The following GALE variants were observed in gnomAD, a reference collection of about 807,000 sequenced individuals.
The protein encoded by GALE is UDP-glucose 4-epimerase.
A neutral mutation model predicts 44.1 loss-of-function variants in GALE; 32 were observed. The ratio of observed to expected loss-of-function variants is 0.73; its 90% confidence interval spans 0.55 to 0.97. The LOEUF (loss-of-function observed/expected upper bound fraction) is 0.97. Among genes scored for constraint, GALE ranks in the 50% least tolerant of loss-of-function variants. GALE has a pLI of 0.00. For missense variants in GALE, 423 were observed against 455.6 expected (o/e 0.93, Z 0.65); for synonymous variants, 182 against 183.5 (o/e 0.99, Z 0.06).
chr1:23,798,688 A>T lies in GALE; in HGVS notation c.164T>A (p.Leu55Gln). The T allele has an allele frequency of 1.2e-6, 2 of 1,613,294 alleles. No homozygotes were observed. The highest frequency in any genetic ancestry group is 1.7e-6 in the Non-Finnish European group (2 of 1,179,576). The stretch of plus-strand genomic sequence containing the variant: ...CTCAAACTCCACAGAGCGGCCTGTC[A>T]GCTCCTGGACCCGCCGCAGGCTCTC... ...LPESLRRVQE[L>Q]TGRSVEFEEM... The change falls in exon 4 of 12, where the codon CTG becomes CAG. Residue 55 changes from leucine (L) to glutamine (Q), a missense_variant. By Grantham distance (113) the Leu-to-Gln change is moderately radical. Transcript: ENST00000617979. The surrounding 1 kb of genome is among the most constrained non-coding windows in gnomAD (Gnocchi z 4.5).
intron 6 of GALE, 80 bp from the exon 7 acceptor site, chr1:23,797,227 A>G: frequency 9.9e-7 from 1 of 1,013,190 alleles, no homozygotes. Flanking sequence ...CCTCATGCCT[A>G]TTCTGTTTTT....
Position 23,795,681 on chromosome 1 carries a change from G to A in GALE, c.*268C>T, listed in dbSNP as rs1181974041. On this transcript the variant is annotated 3_prime_UTR_variant, in exon 12 of 12. Coordinates refer to ENST00000617979, the MANE Select transcript of GALE (RefSeq NM_001008216.2). ...AATATAAATGAGTGCCTGGGAGGAG[G>A]AGGTTTTGTGCCAGAGCCTTGCCCC... 3.2e-5 allele frequency: 19 copies of A among 586,076 alleles called. No homozygotes were observed. Among genetic ancestry groups the A allele is most frequent in the Admixed American group, 6.0e-5 (2 of 33,448 alleles). 36.3% of individuals were successfully genotyped at this position (586,076 alleles called of 1,614,324 possible).
At position 23,796,119 on chromosome 1, in the gene GALE, C is replaced by T. The variant is rs1325362030; in HGVS notation, c.988+32G>A. 5 of 1,605,088 alleles carry T rather than the reference C, an allele frequency of 3.1e-6. No individual in the cohort carries two copies. Among genetic ancestry groups the T allele is most frequent in the Non-Finnish European group, 4.3e-6 (5 of 1,171,794 alleles). On this transcript the variant is annotated intron_variant, in intron 11 of 11. Transcript: ENST00000617979. The surrounding 1 kb of genome is among the most constrained non-coding windows in gnomAD (Gnocchi z 5.2). ...CAGATCTGATTTAGCCCCTCCCTGG[C>T]CCCTAACTGCAGGGGTCAGGCCAGC...
In GALE at chr1:23,798,907, T is replaced by C. The variant is rs121908046; in HGVS notation, c.101A>G (p.Asn34Ser). 34 of 1,614,050 alleles carry C rather than the reference T, an allele frequency of 2.1e-5. No individual in the cohort carries two copies. The highest frequency in any genetic ancestry group is 2.7e-5 in the Non-Finnish European group (32 of 1,180,044). Reference sequence around the variant, plus strand: ...CTCACCACGGAAGGCATTATGGAAGTTATCGATGACCACAGGCAAGTAGCC... The same window carrying C: ...CTCACCACGGAAGGCATTATGGAAGCTATCGATGACCACAGGCAAGTAGCC... ...EAGYLPVVID[N>S]FHNAFRGGGS... Residue 34 changes from asparagine to serine, a missense_variant, in exon 3 of 12, where the codon AAC becomes AGC. Physicochemically the swap from Asn to Ser is conservative, Grantham distance 46 (BLOSUM62 1). Coordinates refer to ENST00000617979, the MANE Select transcript of GALE (RefSeq NM_001008216.2). The surrounding 1 kb of genome is among the most constrained non-coding windows in gnomAD (Gnocchi z 4.5).
In GALE at chr1:23,798,038, CTG is replaced by C. The variant is rs1570633432; in HGVS notation, c.351+77_351+78del. On this transcript the variant is annotated intron_variant, in intron 5 of 11. Coordinates refer to ENST00000617979, the MANE Select transcript of GALE (RefSeq NM_001008216.2). This position sits in a 1 kb window ranked among gnomAD's most constrained non-coding sequence, Gnocchi z 4.5. ...AGTCCAGGATGATACAGCTTGGGCTCTGTGTTTGGCACTGCCTGCCAGGCTGG... is the reference window on the plus strand; with the variant it reads ...AGTCCAGGATGATACAGCTTGGGCTCTGTTTGGCACTGCCTGCCAGGCTGG... 2 of 1,359,248 alleles carry C rather than the reference CTG, an allele frequency of 1.5e-6. No homozygotes were observed. The highest frequency in any genetic ancestry group is 2.3e-5 in the East Asian group (1 of 43,744). 84.2% of individuals were successfully genotyped at this position (1,359,248 alleles called of 1,614,324 possible).
Position 23,796,884 on chromosome 1 carries a change from T to C in GALE, c.701A>G (p.Asp234Gly). The change falls in exon 8 of 12, where the codon GAT becomes GGT. Residue 234 changes from aspartate to glycine, a missense_variant. Physicochemically the swap from Asp to Gly is moderately conservative, Grantham distance 94. Coordinates refer to ENST00000617979, the MANE Select transcript of GALE (RefSeq NM_001008216.2). The surrounding 1 kb of genome is among the most constrained non-coding windows in gnomAD (Gnocchi z 5.2). ...NVFGNDYDTEDGTGVRDYIHV... is the reference protein window; with the variant it reads ...NVFGNDYDTEGGTGVRDYIHV... ...CCTGGTCCTAGGCTCACCTGTGCCA[T>C]CCTCTGTGTCATAGTCATTGCCAAA... is the stretch of plus-strand genomic sequence containing the variant. The C allele has an allele frequency of 6.2e-7, 1 of 1,613,680 alleles. No homozygotes were observed. Among genetic ancestry groups the C allele is most frequent in the Non-Finnish European group, 8.5e-7 (1 of 1,179,870 alleles).
Position 23,798,768 on chromosome 1 carries a change from G to A in GALE, c.122-38C>T. On this transcript the variant is annotated intron_variant, in intron 3 of 11. Transcript: ENST00000617979. The surrounding 1 kb of genome is among the most constrained non-coding windows in gnomAD (Gnocchi z 4.5). ...ATGTAGGCCACATCATCACGACATG[G>A]GGTGCTGTGTTCCCAGGGACTAGCC... 1 of 1,604,368 alleles carries A rather than the reference G, an allele frequency of 6.2e-7. No homozygotes were observed. The highest frequency in any genetic ancestry group is 8.5e-7 in the Non-Finnish European group (1 of 1,171,052).
At position 23,798,665 on chromosome 1, in the gene GALE, C is replaced by T; in HGVS notation, c.187G>A (p.Glu63Lys). The T allele has an allele frequency of 1.2e-6, 2 of 1,613,952 alleles. No individual in the cohort carries two copies. Among genetic ancestry groups the T allele is most frequent in the Non-Finnish European group, 1.7e-6 (2 of 1,179,888 alleles). Residue 63 changes from glutamate to lysine, a missense_variant, in exon 4 of 12, where the codon GAG (glutamate) becomes AAG (lysine). Coordinates refer to ENST00000617979, the MANE Select transcript of GALE (RefSeq NM_001008216.2). This position sits in a 1 kb window ranked among gnomAD's most constrained non-coding sequence, Gnocchi z 4.5. ...QELTGRSVEFEEMDILDQGAL... is the reference protein window; with the variant it reads ...QELTGRSVEFKEMDILDQGAL... ...CCCTGGTCCAAAATGTCCATCTCCT[C>T]AAACTCCACAGAGCGGCCTGTCAGC...
chr1:23,797,125 C>G lies in GALE; in HGVS notation c.551G>C (p.Arg184Pro). 1.2e-6 allele frequency: 2 copies of G among 1,611,140 alleles called. No homozygotes were observed. Among genetic ancestry groups the G allele is most frequent in the Non-Finnish European group, 1.7e-6 (2 of 1,178,820 alleles). The change falls in exon 7 of 12, where the codon CGC becomes CCC. Residue 184 changes from arginine to proline, a missense_variant. By Grantham distance (103) the Arg-to-Pro change is moderately radical. Transcript: ENST00000617979. ...ATGGGCACCTGTGGGGTTGAAATAG[C>G]GCAGCAGCACTGCGTTCCAAGTCTG... ...ADKTWNAVLL[R>P]YFNPTGAHAS...
rs1570634801 is a variant in GALE, at chr1:23,798,642, C to T, written c.210G>A (p.Gln70=). The change falls in exon 4 of 12, where the codon CAG becomes CAA. Residue 70 remains glutamine, a synonymous_variant. Transcript: ENST00000617979. The surrounding 1 kb of genome is among the most constrained non-coding windows in gnomAD (Gnocchi z 4.5). ...TTTTGAAGAGACGCTGTAGGGCTCCCTGGTCCAAAATGTCCATCTCCTCAA... is the reference window on the plus strand; with the variant it reads ...TTTTGAAGAGACGCTGTAGGGCTCCTTGGTCCAAAATGTCCATCTCCTCAA... ...VEFEEMDILD[Q]GALQRLFKKY... 7 of 1,613,888 alleles carry T rather than the reference C, an allele frequency of 4.3e-6. No homozygotes were observed. Among genetic ancestry groups the T allele is most frequent in the Non-Finnish European group, 5.9e-6 (7 of 1,179,862 alleles).
rs775072430 is a variant in GALE at position 23,796,261 on chromosome 1, G to A, written c.878C>T (p.Pro293Leu). The A allele has an allele frequency of 9.3e-6, 15 of 1,613,674 alleles. No homozygotes were observed. The highest frequency in any genetic ancestry group is 3.3e-5 in the Admixed American group (2 of 60,010). The change falls in exon 11 of 12, where the codon CCG becomes CTG. Residue 293 changes from proline to leucine, a missense_variant. Physicochemically the swap from Pro to Leu is moderately conservative, Grantham distance 98 (BLOSUM62 -3). Transcript: ENST00000617979. This position sits in a 1 kb window ranked among gnomAD's most constrained non-coding sequence, Gnocchi z 5.2. ...TTCCCGCCGTGCCACCACCTTGTAC[G>A]GGATCTGCAAGACAGGAGGTAGTTG... Reference protein sequence around the residue: ...AMEKASGKKIPYKVVARREGD... With the variant: ...AMEKASGKKILYKVVARREGD...
rs1639024065 is a variant in GALE, at chr1:23,798,239, G to T, written c.238-9C>A. 1.2e-6 allele frequency: 2 copies of T among 1,605,086 alleles called. No homozygotes were observed. The highest frequency in any genetic ancestry group is 1.7e-6 in the Non-Finnish European group (2 of 1,171,874). ...ACCGCCATAAAGCTGTACTGCAGGG[G>T]TGACATGGCCAGAGGTTGCTCTACT... On this transcript the variant is annotated splice_polypyrimidine_tract_variant and intron_variant, in intron 4 of 11. Transcript: ENST00000617979. This position sits in a 1 kb window ranked among gnomAD's most constrained non-coding sequence, Gnocchi z 4.5.
rs1279000647 is a variant in GALE, at chr1:23,796,854, G to T, written c.709+22C>A. 1 of 1,612,120 alleles carries T rather than the reference G, an allele frequency of 6.2e-7. No homozygotes were observed. Among genetic ancestry groups the T allele is most frequent in the Admixed American group, 1.7e-5 (1 of 59,730 alleles). ...TCTCCTTCCTGGCTCCCACTCCTAGGTCCCCCTGGTCCTAGGCTCACCTGT... is the reference window on the plus strand; with the variant it reads ...TCTCCTTCCTGGCTCCCACTCCTAGTTCCCCCTGGTCCTAGGCTCACCTGT... On this transcript the variant is annotated intron_variant, in intron 8 of 11. Transcript: ENST00000617979. This position sits in a 1 kb window ranked among gnomAD's most constrained non-coding sequence, Gnocchi z 5.2.
Position 23,796,798 on chromosome 1 carries a change from T to C in GALE, c.710-16A>G, listed in dbSNP as rs191122147. 1.5e-5 allele frequency: 24 copies of C among 1,607,618 alleles called. No homozygotes were observed. The highest frequency in any genetic ancestry group is 1.1e-4 in the African/African-American group (8 of 74,752). On this transcript the variant is annotated splice_polypyrimidine_tract_variant and intron_variant, in intron 8 of 11. Transcript: ENST00000617979. The surrounding 1 kb of genome is among the most constrained non-coding windows in gnomAD (Gnocchi z 5.2). ...TCCCGGACACCTGCAGAGAAGGGAG[T>C]GTGTTGGATGGGGAGTCTGTTCCCC...
Position 23,796,119 on chromosome 1 carries a change from C to A in GALE, c.988+32G>T. The A allele has an allele frequency of 6.2e-7, 1 of 1,605,088 alleles. No individual in the cohort carries two copies. The highest frequency in any genetic ancestry group is 8.5e-7 in the Non-Finnish European group (1 of 1,171,794). Reference sequence around the variant, plus strand: ...CAGATCTGATTTAGCCCCTCCCTGGCCCCTAACTGCAGGGGTCAGGCCAGC... The same window carrying A: ...CAGATCTGATTTAGCCCCTCCCTGGACCCTAACTGCAGGGGTCAGGCCAGC... On this transcript the variant is annotated intron_variant, in intron 11 of 11. Transcript: ENST00000617979. This position sits in a 1 kb window ranked among gnomAD's most constrained non-coding sequence, Gnocchi z 5.2.
At position 23,796,414 on chromosome 1, in the gene GALE, C is replaced by T; in HGVS notation, c.873+95G>A. 6.8e-7 allele frequency: 1 copy of T among 1,477,760 alleles called. No individual in the cohort carries two copies. Among genetic ancestry groups the T allele is most frequent in the South Asian group, 1.1e-5 (1 of 87,482 alleles). The allele number at this position is 1,477,760 out of a possible 1,614,324, so 91.5% of individuals were successfully genotyped here. On this transcript the variant is annotated intron_variant, in intron 10 of 11. Transcript: ENST00000617979. The surrounding 1 kb of genome is among the most constrained non-coding windows in gnomAD (Gnocchi z 5.2). ...GAGGAGACTGGGCAGTGCCAGGTAC[C>T]CTCCAGAGAGGTGAGTGGGAAGGGC... is the stretch of plus-strand genomic sequence containing the variant.
At chr1:23,800,093 A>C (rs1388349348) in intron 1 of GALE, 1 of 152,280 alleles carries the variant, frequency 6.6e-6, no homozygotes, top group Non-Finnish European at 1.5e-5. Flanking sequence ...GACAGGTGTT[A>C]TCACTGGCAC....
Position 23,798,586 on chromosome 1 carries a change from G to T in GALE, c.237+29C>A. On this transcript the variant is annotated intron_variant, in intron 4 of 11. Transcript: ENST00000617979. This position sits in a 1 kb window ranked among gnomAD's most constrained non-coding sequence, Gnocchi z 4.5. ...CTTCCAAAGTGCTGGAATTACAGGC[G>T]TGAGCCACCGTGCCCAGCCTGCACC... is the stretch of plus-strand genomic sequence containing the variant. The T allele has an allele frequency of 6.6e-7, 1 of 1,509,856 alleles. No individual in the cohort carries two copies. Among genetic ancestry groups the T allele is most frequent in the Non-Finnish European group, 9.2e-7 (1 of 1,085,870 alleles). 93.5% of individuals were successfully genotyped at this position (1,509,856 alleles called of 1,614,324 possible).
Position 23,799,167 on chromosome 1 carries a change from G to A in GALE, c.-5-155C>T, listed in dbSNP as rs537835035. ...AGAAGTCAGCCCTGGGGCAAGTCTG[G>A]GTACCATCACTTTCTGGCCTTAGGC... is the stretch of plus-strand genomic sequence containing the variant. On this transcript the variant is annotated intron_variant, in intron 2 of 11. Transcript: ENST00000617979. The A allele has an allele frequency of 3.7e-5, 34 of 909,294 alleles. No individual in the cohort carries two copies. In the African/African-American group the frequency reaches 5.3e-4, roughly 14 times the overall value. The allele number at this position is 909,294 out of a possible 1,614,324, so 56.3% of individuals were successfully genotyped here. A position where few individuals can be genotyped will look rare whatever the true frequency, so the allele number is the denominator to read the frequency against.
Sources: gnomAD v4.1 joint callset for allele counts on GRCh38, gnomAD v4.1.1 for gene constraint, Gnocchi (gnomAD v3.1) non-coding constraint, MANE v1.5 for transcripts, NCBI Gene and HGNC (gene_info 2026-07-23, HGNC 2026-07-21) for gene names.